FKBP8: variants seen among roughly 807,000 people sequenced by gnomAD.
The protein encoded by FKBP8 is peptidyl-prolyl cis-trans isomerase FKBP8.
In FKBP8, 5 loss-of-function variants were observed where a neutral mutation model predicts 41.7. That is an observed-to-expected ratio of 0.12 (90% CI 0.06 to 0.25). The LOEUF is 0.25. FKBP8 is among the 10% of genes least tolerant of loss of function. The pLI is 1.00. For synonymous variants in FKBP8, 279 were observed against 254.5 expected, an observed-to-expected ratio of 1.10 and a Z score of -0.92; for missense variants, 397 against 563.0, an observed-to-expected ratio of 0.71 and a Z score of 2.98.
chr19:18,535,002 C>T (rs998176390), intron 6 of FKBP8, among the ~76,000 whole-genome samples: 1 of 152,104 alleles, frequency 6.6e-6, no homozygotes, highest in African/African-American at 2.4e-5. Flanking sequence ...CCAGGCTGGT[C>T]TCAAACTCCT....
At chr19:18,536,128 C>T (rs1055995334) in intron 6 of FKBP8, 1 of 152,100 alleles carries the variant, frequency 6.6e-6, no homozygotes. Flanking sequence ...ACTCCGCACA[C>T]AGTATGTCCT....
rs773595163 is a variant in FKBP8 at position 18,532,175 on chromosome 19, C to T, written c.1236G>A (p.Arg412=). The T allele has an allele frequency of 6.2e-7, 1 of 1,602,074 alleles. No individual in the cohort carries two copies. Among genetic ancestry groups the T allele is most frequent in the Admixed American group, 1.7e-5 (1 of 57,932 alleles). ...GTGGCAGCCACCTAGGTGGTCAGTT[C>T]CTGGCAGCGATGACCACAGAGAGTG... is the stretch of plus-strand genomic sequence containing the variant. The part of the protein sequence containing the change: ...GVALSVVIAA[R]N Residue 412 remains arginine, a synonymous_variant, in exon 9 of 9, where the codon AGG becomes AGA. Coordinates refer to ENST00000608443, the MANE Select transcript of FKBP8 (RefSeq NM_012181.5).
intron 1 of FKBP8, chr19:18,542,934 C>CT (rs1600541941): frequency 7.9e-7 from 1 of 1,262,878 alleles, no homozygotes; most frequent in Non-Finnish European, 1.0e-6. Flanking sequence ...GAGACCCTCC[C>CT]AGCCCCCACC....
rs1976603601 is a variant in FKBP8, at chr19:18,537,383, G to A, written c.945+218C>T. On this transcript the variant is annotated intron_variant, in intron 6 of 8. Transcript: ENST00000608443. The surrounding 1 kb of genome is among the most constrained non-coding windows in gnomAD (Gnocchi z 4.4). The stretch of plus-strand genomic sequence containing the variant: ...ACAAACAAAAAACACTGGGCCAAAG[G>A]TTGGGGACCCAAGACTCGAGGATCA... Among the ~76,000 whole-genome samples the A allele has an allele frequency of 6.6e-6, 1 of 152,096 alleles. No homozygotes were observed.
Position 18,538,381 on chromosome 19 carries a change from T to C in FKBP8, c.607A>G (p.Thr203Ala). 1 of 1,613,508 alleles carries C rather than the reference T, an allele frequency of 6.2e-7. No individual in the cohort carries two copies. Among genetic ancestry groups the C allele is most frequent in the African/African-American group, 1.3e-5 (1 of 75,030 alleles). ...TCCAGGTCAGGCCCGTCCACAGCCG[T>C]CTTCAGGGTCACCTCCAGGCACAGG... ...AALCLEVTLK[T>A]AVDGPDLEML... The change falls in exon 5 of 9, where the codon ACG (threonine) becomes GCG (alanine). Residue 203 changes from threonine (T) to alanine (A), a missense_variant. Thr to Ala is a moderately conservative substitution (Grantham distance 58). Around this residue, in one of 2 missense-constraint regions of FKBP8, gnomAD observed 225 missense variants for 366.8 expected, o/e 0.61. Transcript: ENST00000608443. The surrounding 1 kb of genome is among the most constrained non-coding windows in gnomAD (Gnocchi z 4.0).
chr19:18,539,849 C>T (rs1238322321), intron 2 of FKBP8, 129 bp from the exon 3 acceptor site: 1 of 1,124,270 alleles, frequency 8.9e-7, no homozygotes, highest in Admixed American at 2.2e-5. Flanking sequence ...AACACTGGGG[C>T]ACAAACCAAA....
chr19:18,543,108 C>T (rs1424769085), intron 1 of FKBP8: 4 of 287,462 alleles, frequency 1.4e-5, no homozygotes, highest in Non-Finnish European at 2.7e-5. Flanking sequence ...TAACACCCCA[C>T]GCTCTCCTGA....
In FKBP8 at chr19:18,539,421, C is replaced by CT; in HGVS notation, c.500dup (p.Thr168AspfsTer7). On this transcript the variant is annotated frameshift_variant, in exon 4 of 9. Transcript: ENST00000608443. LOFTEE classifies it high-confidence loss of function. ...TGGAGTCAGCAGTGACCATGGCCGT[C>CT]TCCCCCACGTCCATGAGTGGGACAC... The CT allele has an allele frequency of 6.2e-7, 1 of 1,613,824 alleles. No individual in the cohort carries two copies. Among genetic ancestry groups the CT allele is most frequent in the Non-Finnish European group, 8.5e-7 (1 of 1,180,002 alleles).
rs1455741381 is a variant in FKBP8, at chr19:18,532,785, G to T, written c.1034C>A (p.Ala345Glu). Residue 345 changes from alanine (A) to glutamate (E), a missense_variant, in exon 8 of 9, where the codon GCA becomes GAA. Around this residue, in one of 2 missense-constraint regions of FKBP8, gnomAD observed 225 missense variants for 366.8 expected, o/e 0.61. Transcript: ENST00000608443. ...KLEPSNKTIH[A>E]ELSKLVKKHA... is the part of the protein sequence containing the mutation. The stretch of plus-strand genomic sequence containing the variant: ...CTTCTTCACCAGCTTTGAGAGCTCT[G>T]CGTGGATCGTCTGCAGAAGGCAGGG... 6.2e-7 allele frequency: 1 copy of T among 1,613,906 alleles called. No individual in the cohort carries two copies. The highest frequency in any genetic ancestry group is 8.5e-7 in the Non-Finnish European group (1 of 1,180,008).
At chr19:18,535,783 G>T (rs115923398) in intron 6 of FKBP8, among the ~76,000 whole-genome samples, 1 of 151,508 alleles carries the variant, frequency 6.6e-6, no homozygotes, top group Non-Finnish European at 1.5e-5. Context: ...CAGGGGGGAG[G>T]GGGGAGCATC....
intron 6 of FKBP8, among the ~76,000 whole-genome samples, chr19:18,536,826 C>T (rs1312378721): frequency 6.6e-6 from 1 of 152,230 alleles, no homozygotes; most frequent in Non-Finnish European, 1.5e-5. Context: ...CTCAGACAGT[C>T]GGCAATGCCT....
At chr19:18,534,618 G>T (rs952714258) in intron 6 of FKBP8, among the ~76,000 whole-genome samples, 1 of 151,646 alleles carries the variant, frequency 6.6e-6, no homozygotes, top group African/African-American at 2.4e-5. Flanking sequence ...GTCTTGATCG[G>T]TCACCCAGGC....
chr19:18,533,325 T>A lies in FKBP8; in HGVS notation c.968A>T (p.Tyr323Phe). 1 of 1,606,230 alleles carries A rather than the reference T, an allele frequency of 6.2e-7. No homozygotes were observed. Among genetic ancestry groups the A allele is most frequent in the Non-Finnish European group, 8.5e-7 (1 of 1,176,504 alleles). The change falls in exon 7 of 9, where the codon TAC becomes TTC. Residue 323 changes from tyrosine to phenylalanine, a missense_variant. Around this residue, in one of 2 missense-constraint regions of FKBP8, gnomAD observed 225 missense variants for 366.8 expected, o/e 0.61. Coordinates refer to ENST00000608443, the MANE Select transcript of FKBP8 (RefSeq NM_012181.5). ...CCTCAGGATGGGGATGGCCTCACTG[T>A]ACTCCCCCTGCTGGGCCAGCACCTG... Reference protein sequence around the residue: ...KGKVLAQQGEYSEAIPILRAA... With the variant: ...KGKVLAQQGEFSEAIPILRAA...
At chr19:18,534,286 G>A (rs1030795716) in intron 6 of FKBP8, among the ~76,000 whole-genome samples, 10 of 152,212 alleles carry the variant, frequency 6.6e-5, no homozygotes, top group South Asian at 2.1e-4. Flanking sequence ...CAGCCTGGGC[G>A]ACAGAGCGAG....
chr19:18,533,383 A>G (rs750021461), intron 6 of FKBP8, 36 bp from the exon 7 acceptor site: 22 of 1,541,406 alleles, frequency 1.4e-5, no homozygotes, highest in Admixed American at 7.5e-5. Context: ...CTCTGGACCC[A>G]TACCTGGGCC....
intron 6 of FKBP8, among the ~76,000 whole-genome samples, chr19:18,536,489 C>T (rs1416690281): frequency 6.6e-5 from 10 of 152,136 alleles, no homozygotes. Flanking sequence ...GCAACTGGGA[C>T]GACAGGCCCG....
chr19:18,532,453 C>T, intron 8 of FKBP8, 198 bp from the exon 9 acceptor site: 1 of 925,662 alleles, frequency 1.1e-6, no homozygotes, highest in South Asian at 1.6e-5. Context: ...GCCCCTCGTG[C>T]CCTGGAAGAG....
rs1298673328 is a variant in FKBP8 at position 18,539,541 on chromosome 19, C to T, written c.462+10G>A. 3.1e-6 allele frequency: 5 copies of T among 1,612,550 alleles called. No individual in the cohort carries two copies. The African/African-American group carries it at 6.7e-5, about 22-fold the overall frequency. ...CCCTCGCCCCTGCCCTGTCCCGCCCCAGCCCGCACCTGGATGACGTCACAG... is the reference window on the plus strand; with the variant it reads ...CCCTCGCCCCTGCCCTGTCCCGCCCTAGCCCGCACCTGGATGACGTCACAG... On this transcript the variant is annotated intron_variant, in intron 3 of 8. Transcript: ENST00000608443.
intron 2 of FKBP8, among the ~76,000 whole-genome samples, chr19:18,539,943 T>C (rs755404901): frequency 1.3e-5 from 2 of 151,984 alleles, no homozygotes; most frequent in Non-Finnish European, 2.9e-5. Flanking sequence ...AGGGTGACAG[T>C]GCTGGTGCTA....
Sources: allele counts gnomAD v4.1 joint callset (sites outside exome capture counted in the v4.1 genomes callset), GRCh38; gene constraint gnomAD v4.1.1; regional missense constraint gnomAD v4.1.1; non-coding constraint Gnocchi (gnomAD v3.1); transcripts MANE v1.5; gene names NCBI Gene and HGNC (gene_info 2026-07-23, HGNC 2026-07-21).